Variants in PTPRK observed in about 807,000 individuals in gnomAD.
The protein encoded by PTPRK is protein tyrosine phosphatase receptor type K.
Under a neutral mutation model 178.0 loss-of-function variants are expected in PTPRK, and 75 were observed. That is an observed-to-expected ratio of 0.42 (90% CI 0.35 to 0.51). PTPRK has a LOEUF of 0.51. Ranked by LOEUF, PTPRK falls within the 20% of genes least tolerant of loss-of-function variation. The pLI, the probability that PTPRK is intolerant of heterozygous loss-of-function variation, is 0.02. For synonymous variants in PTPRK, 637 were observed against 620.6 expected, an observed-to-expected ratio of 1.03 and a Z score of -0.39; for missense variants, 1,441 against 1,797.8, an observed-to-expected ratio of 0.80 and a Z score of 3.59.
intron 7 of PTPRK, among the ~76,000 whole-genome samples, chr6:128,107,211 T>C (rs572074205): frequency 2.0e-5 from 3 of 152,106 alleles, no homozygotes; most frequent in Admixed American, 1.3e-4. Flanking sequence ...TATATAAGTA[T>C]ATAAATTGTT....
chr6:128,050,863 G>T (rs776607286), intron 13 of PTPRK, among the ~76,000 whole-genome samples: 6 of 152,170 alleles, frequency 3.9e-5, no homozygotes, highest in Non-Finnish European at 7.4e-5. Context: ...TTTTTAGAAT[G>T]ATTTTTACAC....
chr6:128,049,207 A>G (rs1778586374), intron 13 of PTPRK, among the ~76,000 whole-genome samples: 1 of 152,208 alleles, frequency 6.6e-6, no homozygotes, highest in Non-Finnish European at 1.5e-5. Context: ...GATTTGACTA[A>G]CATACAAACT....
chr6:128,017,017 C>T (rs535902028), intron 13 of PTPRK, among the ~76,000 whole-genome samples: 1 of 151,954 alleles, frequency 6.6e-6, no homozygotes, highest in South Asian at 2.1e-4. Flanking sequence ...GGAGATATTC[C>T]CAGGCCTAGT....
intron 1 of PTPRK, among the ~76,000 whole-genome samples, chr6:128,413,795 A>G (rs1842557026): frequency 6.6e-6 from 1 of 152,174 alleles, no homozygotes. Context: ...TAGAATGATC[A>G]CTTTATAAGG....
intron 7 of PTPRK, among the ~76,000 whole-genome samples, chr6:128,127,286 T>G (rs1278186702): frequency 6.6e-6 from 1 of 152,180 alleles, no homozygotes; most frequent in Non-Finnish European, 1.5e-5. Context: ...TCTTTTGCCT[T>G]TCTACATAAA....
chr6:128,296,497 G>A (rs1041110792), intron 3 of PTPRK, among the ~76,000 whole-genome samples: 2 of 152,154 alleles, frequency 1.3e-5, no homozygotes, highest in Non-Finnish European at 2.9e-5. Context: ...ATCCACAAAG[G>A]GAAGCCCATC....
At chr6:128,021,593 T>C (rs940578996) in intron 13 of PTPRK, among the ~76,000 whole-genome samples, 1 of 152,170 alleles carries the variant, frequency 6.6e-6, no homozygotes, top group African/African-American at 2.4e-5. Context: ...TGAGCGGAGA[T>C]TGTGCCACTG....
intron 7 of PTPRK, among the ~76,000 whole-genome samples, chr6:128,098,104 C>A (rs1027654788): frequency 3.9e-5 from 6 of 151,960 alleles, no homozygotes; most frequent in African/African-American, 1.5e-4. Context: ...AGTGGTTGAT[C>A]CATAGTATAT....
chr6:128,433,355 C>T (rs562490773), intron 1 of PTPRK, among the ~76,000 whole-genome samples: 1 of 152,278 alleles, frequency 6.6e-6, no homozygotes, highest in African/African-American at 2.4e-5. Context: ...GAAACTCCCA[C>T]ATGTGAATGA....
At chr6:128,501,602 AC>A (rs1167168191) in intron 1 of PTPRK, among the ~76,000 whole-genome samples, 1 of 152,236 alleles carries the variant, frequency 6.6e-6, no homozygotes, top group Non-Finnish European at 1.5e-5. Flanking sequence ...CATTAATCTT[AC>A]ATGACATTTT....
chr6:128,008,015 C>A, intron 14 of PTPRK: 2 of 1,298,692 alleles, frequency 1.5e-6, no homozygotes, highest in Non-Finnish European at 2.1e-6. Flanking sequence ...ACGTATGTAG[C>A]TAATTTAACA....
At chr6:128,253,907 G>A (rs549255514) in intron 3 of PTPRK, among the ~76,000 whole-genome samples, 1 of 152,298 alleles carries the variant, frequency 6.6e-6, no homozygotes, top group African/African-American at 2.4e-5. Flanking sequence ...AATTTTGAGT[G>A]AAGAGATAAG....
At chr6:127,976,431 G>A (rs1774601261) in intron 27 of PTPRK, among the ~76,000 whole-genome samples, 1 of 152,182 alleles carries the variant, frequency 6.6e-6, no homozygotes, top group African/African-American at 2.4e-5. Context: ...TGTATTTCCT[G>A]AGAGAATATG....
At chr6:128,503,009 C>T (rs779996555) in intron 1 of PTPRK, among the ~76,000 whole-genome samples, 2 of 152,060 alleles carry the variant, frequency 1.3e-5, no homozygotes, top group Non-Finnish European at 2.9e-5. Flanking sequence ...AGGCAGATCA[C>T]GAGGTCAGGA....
chr6:128,371,235 T>C (rs1296680177), intron 2 of PTPRK, among the ~76,000 whole-genome samples: 2 of 152,322 alleles, frequency 1.3e-5, no homozygotes. Context: ...GTTACATCTG[T>C]TTCATCAGTT....
intron 3 of PTPRK, among the ~76,000 whole-genome samples, chr6:128,249,298 T>TAAAAA (rs10622564): frequency 1.5e-5 from 2 of 132,856 alleles, no homozygotes; most frequent in African/African-American, 5.4e-5. Context: ...TGGTGTGATT[T>TAAAAA]AAAAAAAAAA....
chr6:128,328,661 C>T (rs1461682959), intron 2 of PTPRK, among the ~76,000 whole-genome samples: 3 of 152,042 alleles, frequency 2.0e-5, no homozygotes, highest in Non-Finnish European at 4.4e-5. Context: ...AGTCTCAGGA[C>T]CCCTTTATAC....
intron 13 of PTPRK, among the ~76,000 whole-genome samples, chr6:128,052,940 A>AT (rs978065117): frequency 1.3e-5 from 2 of 151,872 alleles, no homozygotes; most frequent in African/African-American, 2.4e-5. Context: ...TGCCCTCATT[A>AT]TTTTTTTAGC....
intron 3 of PTPRK, among the ~76,000 whole-genome samples, chr6:128,309,138 T>C (rs2128315272): frequency 1.3e-5 from 2 of 152,314 alleles, no homozygotes; most frequent in South Asian, 4.1e-4. Flanking sequence ...TTTAATATTT[T>C]TCATTCTTTT....
Sources: gnomAD v4.1 joint callset for allele counts (sites outside exome capture counted in the v4.1 genomes callset) on GRCh38, gnomAD v4.1.1 for gene constraint, MANE v1.5 for transcripts, NCBI Gene and HGNC (gene_info 2026-07-23, HGNC 2026-07-21) for gene names.